Variants in GABRA3 observed in about 807,000 individuals in gnomAD.
GABRA3 encodes gamma-aminobutyric acid receptor subunit alpha-3.
GABRA3 carries 10 observed loss-of-function variants against 30.1 expected under a neutral mutation model. The ratio of observed to expected loss-of-function variants is 0.33; its 90% CI spans 0.20 to 0.56. The LOEUF is 0.56. Among genes scored for constraint, GABRA3 ranks in the 20% least tolerant of loss-of-function variants. The pLI is 0.89. For missense variants in GABRA3, 233 were observed against 392.0 expected (o/e 0.59, Z 3.42); for synonymous variants, 151 against 146.8 (o/e 1.03, Z -0.21).
intron 2 of GABRA3, among the ~76,000 whole-genome samples, chrX:152,360,725 TTAAAAAAAA>T (rs1569407665): frequency 5.9e-5 from 3 of 50,791 alleles, no homozygotes; most frequent in African/African-American, 2.5e-4. Context: ...AAAAAAAAAA[TTAAAAAAAA>T]AAATTAAAAA....
At chrX:152,432,034 C>G (rs934416833) in intron 1 of GABRA3, among the ~76,000 whole-genome samples, 3 of 111,620 alleles carry the variant, frequency 2.7e-5, no homozygotes, top group Non-Finnish European at 5.6e-5. Flanking sequence ...AACATGTTAT[C>G]TGGCTCAGCT....
At chrX:152,261,752 G>A (rs1479807427) in intron 4 of GABRA3, among the ~76,000 whole-genome samples, 1 of 111,894 alleles carries the variant, frequency 8.9e-6, no homozygotes, top group Non-Finnish European at 1.9e-5. Context: ...GGTGCATGGT[G>A]CAAGCTGTCA....
intron 1 of GABRA3, among the ~76,000 whole-genome samples, chrX:152,366,543 C>T (rs1304817419): frequency 8.9e-6 from 1 of 111,745 alleles, no homozygotes; most frequent in Non-Finnish European, 1.9e-5. Flanking sequence ...ATGGCAATTA[C>T]ATAGAATTAA....
chrX:152,303,865 G>A (rs1939678232), intron 3 of GABRA3, among the ~76,000 whole-genome samples: 1 of 110,756 alleles, frequency 9.0e-6, no homozygotes, highest in Non-Finnish European at 1.9e-5. Flanking sequence ...ACGCATGTGG[G>A]GCTTAAAACC....
chrX:152,394,384 C>A, intron 1 of GABRA3: 1 of 382,767 alleles, frequency 2.6e-6, no homozygotes, highest in South Asian at 2.4e-5. Context: ...TGGCTTTGTT[C>A]CAGAAGCAGA....
chrX:152,271,090 G>C (rs937251311), intron 4 of GABRA3, among the ~76,000 whole-genome samples: 1 of 108,916 alleles, frequency 9.2e-6, no homozygotes, highest in African/African-American at 3.3e-5. Flanking sequence ...GCCCCCAAGA[G>C]TAGCTGAGAT....
At chrX:152,251,838 C>T (rs73639075) in intron 5 of GABRA3, among the ~76,000 whole-genome samples, 11,595 of 110,471 alleles carry the variant, frequency 0.1, 489 homozygotes, top group African/African-American at 0.12. Context: ...CTCATTCATA[C>T]CTTTTCTCTG....
intron 3 of GABRA3, among the ~76,000 whole-genome samples, chrX:152,324,818 TC>T (rs1195266954): frequency 9.0e-6 from 1 of 111,592 alleles, no homozygotes; most frequent in Non-Finnish European, 1.9e-5. Context: ...TGCATTTGTC[TC>T]CAAAAATAAA....
intron 5 of GABRA3, among the ~76,000 whole-genome samples, chrX:152,245,481 A>T (rs1473882400): frequency 9.0e-6 from 1 of 111,079 alleles, no homozygotes; most frequent in African/African-American, 3.3e-5. Context: ...CAAGCTATAG[A>T]CAAGAAGCTC....
chrX:152,403,033 CT>C (rs1217349141), intron 1 of GABRA3, among the ~76,000 whole-genome samples: 1 of 111,327 alleles, frequency 9.0e-6, no homozygotes, highest in Non-Finnish European at 1.9e-5. Flanking sequence ...AGAGTTAATA[CT>C]TTATTTATGT....
chrX:152,363,505 C>A (rs1194961571), intron 2 of GABRA3, among the ~76,000 whole-genome samples: 1 of 111,192 alleles, frequency 9.0e-6, no homozygotes, highest in African/African-American at 3.3e-5. Flanking sequence ...GGGTCCCTTG[C>A]CTCAAAGTAG....
At chrX:152,405,707 G>A (rs750377904) in intron 1 of GABRA3, among the ~76,000 whole-genome samples, 1 of 111,532 alleles carries the variant, frequency 9.0e-6, no homozygotes, top group Non-Finnish European at 1.9e-5. Context: ...GGCATTCCTT[G>A]ACTCACCCTG....
At chrX:152,190,521 CTTTT>C (rs373150306) in intron 8 of GABRA3, among the ~76,000 whole-genome samples, 1 of 106,747 alleles carries the variant, frequency 9.4e-6, no homozygotes, top group Admixed American at 1.0e-4. Flanking sequence ...TTTCTTTTTT[CTTTT>C]TTTTTCTTTT....
intron 3 of GABRA3, among the ~76,000 whole-genome samples, chrX:152,322,591 T>G: frequency 9.2e-6 from 1 of 108,865 alleles, no homozygotes; most frequent in Non-Finnish European, 1.9e-5. Flanking sequence ...TGGAGTGCAA[T>G]GGCACGATCT....
intron 1 of GABRA3, among the ~76,000 whole-genome samples, chrX:152,423,472 CA>C (rs1336055188): frequency 9.0e-6 from 1 of 111,700 alleles, no homozygotes; most frequent in African/African-American, 3.2e-5. Context: ...ATGAAGTATT[CA>C]ATAAGTTGCA....
At chrX:152,333,046 A>G (rs1024810730) in intron 3 of GABRA3, among the ~76,000 whole-genome samples, 2 of 111,821 alleles carry the variant, frequency 1.8e-5, no homozygotes, top group African/African-American at 6.5e-5. Context: ...TGAGCTGAGA[A>G]TTGGCCATTG....
chrX:152,247,616 A>C (rs1938480034), intron 5 of GABRA3, among the ~76,000 whole-genome samples: 1 of 111,799 alleles, frequency 8.9e-6, no homozygotes. Context: ...CAGAATGCCA[A>C]GAAGTATATC....
At chrX:152,424,747 C>A (rs1887996592) in intron 1 of GABRA3, among the ~76,000 whole-genome samples, 1 of 109,535 alleles carries the variant, frequency 9.1e-6, no homozygotes, top group Admixed American at 9.9e-5. Context: ...TTTGGTGTGC[C>A]CACAGTGGTT....
intron 1 of GABRA3, chrX:152,394,400 A>G (rs375118371): frequency 1.6e-4 from 62 of 384,320 alleles, no homozygotes; most frequent in Middle Eastern, 8.5e-4. Flanking sequence ...GCAGATGGCA[A>G]TGTTGCAAAA....
Sources: gnomAD v4.1 joint callset for allele counts (sites outside exome capture counted in the v4.1 genomes callset) on GRCh38, gnomAD v4.1.1 for gene constraint, MANE v1.5 for transcripts, NCBI Gene and HGNC (gene_info 2026-07-23, HGNC 2026-07-21) for gene names.